RAB38: variants seen among roughly 807,000 people sequenced by gnomAD.
The protein encoded by RAB38 is ras-related protein Rab-38.
RAB38 carries 15 observed loss-of-function variants against 18.4 expected under a neutral mutation model. The ratio of observed to expected loss-of-function variants is 0.82; its 90% CI spans 0.55 to 1.26. RAB38 has a LOEUF of 1.26. Ranked by LOEUF, RAB38 falls within the 50% of genes most tolerant of loss-of-function variation. The pLI is 0.00. For synonymous variants in RAB38, 101 were observed against 104.4 expected, an observed-to-expected ratio of 0.97 and a Z score of 0.20; for missense variants, 294 against 267.4, an observed-to-expected ratio of 1.10 and a Z score of -0.69.
At chr11:87,957,942 A>G in the RAB38 span, among the ~76,000 whole-genome samples, 1 of 151,984 alleles carries the variant, frequency 6.6e-6, no homozygotes. Context: ...CTTCCCTAGA[A>G]TCACTTTCCA....
the RAB38 span, among the ~76,000 whole-genome samples, chr11:88,064,483 C>A: frequency 6.6e-6 from 1 of 152,158 alleles, no homozygotes; most frequent in African/African-American, 2.4e-5. Flanking sequence ...GTATGATACT[C>A]TGAGATGAAA....
downstream of RAB38, among the ~76,000 whole-genome samples, chr11:88,108,562 A>C (rs1430462357): frequency 2.0e-5 from 3 of 152,102 alleles, no homozygotes; most frequent in Non-Finnish European, 2.9e-5. Context: ...GGTCTCCTGA[A>C]TACAGCACAC....
At chr11:87,976,672 G>GATATATAAATATATAATTTTATATA in the RAB38 span, among the ~76,000 whole-genome samples, 852 of 72,976 alleles carry the variant, frequency 0.012, 9 homozygotes, top group African/African-American at 0.039. Context: ...AATTTTATAT[G>GATATATAAATATATAATTTTATATA]ATATATATTT....
the RAB38 span, among the ~76,000 whole-genome samples, chr11:87,937,311 C>CATATATATATATATAT: frequency 1.2e-3 from 97 of 82,656 alleles, 1 homozygote; most frequent in African/African-American, 1.8e-3. Context: ...ACTTGGTCAT[C>CATATATATATATATAT]ATATATATAT....
the RAB38 span, among the ~76,000 whole-genome samples, chr11:87,808,079 G>T: frequency 1.3e-5 from 2 of 151,980 alleles, 1 homozygote. Flanking sequence ...ACCTTAATTT[G>T]GTATTTTCAC....
At chr11:87,814,630 C>T in the RAB38 span, among the ~76,000 whole-genome samples, 1 of 152,048 alleles carries the variant, frequency 6.6e-6, no homozygotes, top group Non-Finnish European at 1.5e-5. Flanking sequence ...AATGCTTTTT[C>T]CCTGAGTTGT....
At chr11:88,047,856 C>T in the RAB38 span, among the ~76,000 whole-genome samples, 1 of 152,168 alleles carries the variant, frequency 6.6e-6, no homozygotes, top group Non-Finnish European at 1.5e-5. Context: ...CTGAAACTTC[C>T]ACCTATCAAT....
chr11:88,015,686 C>A, the RAB38 span, among the ~76,000 whole-genome samples: 1 of 152,082 alleles, frequency 6.6e-6, no homozygotes, highest in African/African-American at 2.4e-5. Context: ...TTGACTCTGC[C>A]AGTAAAGACA....
chr11:87,973,684 G>T, the RAB38 span, among the ~76,000 whole-genome samples: 1 of 151,956 alleles, frequency 6.6e-6, no homozygotes, highest in African/African-American at 2.4e-5. Context: ...CCTCATCAAA[G>T]ACTGGCTACA....
At chr11:88,087,274 G>C in the RAB38 span, among the ~76,000 whole-genome samples, 2 of 151,882 alleles carry the variant, frequency 1.3e-5, no homozygotes, top group African/African-American at 4.8e-5. Flanking sequence ...CTTGGCCATT[G>C]TTTCATTTAT....
chr11:87,875,858 T>A, the RAB38 span, among the ~76,000 whole-genome samples: 4 of 151,688 alleles, frequency 2.6e-5, no homozygotes, highest in Non-Finnish European at 5.9e-5. Context: ...AGATTAGTTC[T>A]AATAATTTGT....
At chr11:87,918,661 G>T in the RAB38 span, among the ~76,000 whole-genome samples, 1 of 151,836 alleles carries the variant, frequency 6.6e-6, no homozygotes, top group Non-Finnish European at 1.5e-5. Context: ...ATACTTGTTG[G>T]CTGTTTCTAC....
the RAB38 span, among the ~76,000 whole-genome samples, chr11:87,831,211 A>G: frequency 6.6e-6 from 1 of 152,170 alleles, no homozygotes; most frequent in South Asian, 2.1e-4. Context: ...TAACTGCTTA[A>G]TTTTTTAGAT....
At chr11:88,019,693 C>T in the RAB38 span, among the ~76,000 whole-genome samples, 9 of 152,176 alleles carry the variant, frequency 5.9e-5, no homozygotes, top group Non-Finnish European at 1.2e-4. Context: ...CTCCCAGATG[C>T]ACTCCTACTT....
the RAB38 span, among the ~76,000 whole-genome samples, chr11:87,891,204 T>C: frequency 2.0e-5 from 3 of 151,920 alleles, no homozygotes; most frequent in South Asian, 2.1e-4. Flanking sequence ...TTTTCATTTG[T>C]TCCTCCATTT....
chr11:88,008,464 G>C, the RAB38 span, among the ~76,000 whole-genome samples: 4 of 152,080 alleles, frequency 2.6e-5, no homozygotes, highest in African/African-American at 9.7e-5. Context: ...GTTAGAAAAG[G>C]AAATTCTCAA....
At chr11:87,813,117 C>T in the RAB38 span, among the ~76,000 whole-genome samples, 4 of 152,258 alleles carry the variant, frequency 2.6e-5, no homozygotes, top group Admixed American at 6.5e-5. Flanking sequence ...AAATGAAATG[C>T]GTCTCTGGGA....
At chr11:87,946,410 T>C in the RAB38 span, among the ~76,000 whole-genome samples, 1 of 152,292 alleles carries the variant, frequency 6.6e-6, no homozygotes, top group African/African-American at 2.4e-5. Context: ...TAAATTATAC[T>C]TTAAGTTTTA....
the RAB38 span, among the ~76,000 whole-genome samples, chr11:87,814,224 A>T: frequency 6.6e-6 from 1 of 152,170 alleles, no homozygotes; most frequent in Non-Finnish European, 1.5e-5. Flanking sequence ...GGTAGGGGAT[A>T]TCCATGTTGA....
Sources: allele counts gnomAD v4.1 joint callset (sites outside exome capture counted in the v4.1 genomes callset), GRCh38; gene constraint gnomAD v4.1.1; transcripts MANE v1.5; gene names NCBI Gene and HGNC (gene_info 2026-07-23, HGNC 2026-07-21).